Variants in USH2A observed in about 807,000 individuals in gnomAD.
USH2A encodes the protein Usher syndrome 2A (autosomal recessive, mild).
USH2A carries 443 observed loss-of-function variants against 538.9 expected under a neutral mutation model. The ratio of observed to expected loss-of-function variants is 0.82; its 90% CI spans 0.76 to 0.89. The LOEUF is 0.89. Ranked by LOEUF, USH2A falls within the 40% of genes least tolerant of loss-of-function variation. USH2A has a pLI of 0.00. For missense variants in USH2A, 6,633 were observed against 6,324.8 expected (o/e 1.05, Z -1.65); for synonymous variants, 2,413 against 2,273.5 (o/e 1.06, Z -1.75).
At chr1:215,727,258 CATACATATATACAT>C (rs1335972120) in intron 61 of USH2A, among the ~76,000 whole-genome samples, 2 of 151,962 alleles carry the variant, frequency 1.3e-5, no homozygotes, top group African/African-American at 2.4e-5. Flanking sequence ...CATGTATACA[CATACATATATACAT>C]ATACATATAT....
At position 216,250,519 on chromosome 1, in the gene USH2A, TA is replaced by T. The variant is rs558056793; in HGVS notation, c.2167+383del. On this transcript the variant is annotated intron_variant, in intron 12 of 71. Transcript: ENST00000307340. ...TTGAAAAAATCCACTTATTTTGGTCTATTAAGAAAACTAGCATGGAAATGAT... is the reference window on the plus strand; with the variant it reads ...TTGAAAAAATCCACTTATTTTGGTCTTTAAGAAAACTAGCATGGAAATGAT... 3.2e-4 allele frequency among the ~76,000 whole-genome samples: 49 copies of T among 152,324 alleles called. 1 individual carries two copies. In the South Asian group the frequency reaches 9.3e-3, roughly 29 times the overall value.
At position 215,728,044 on chromosome 1, in the gene USH2A, C is replaced by G; in HGVS notation, c.12052G>C (p.Ala4018Pro). ...AAGGGTCTTACCTTCACTGTGAAAG[C>G]ATGCACGGTAGGGCTGTTAAATGTA... ...DPTFNSPTVH[A>P]FTVKGTSHQA... The change falls in exon 61 of 72, where the codon GCT (alanine) becomes CCT (proline). Residue 4018 changes from alanine to proline, a missense_variant. Coordinates refer to ENST00000307340, the MANE Select transcript of USH2A (RefSeq NM_206933.4). 1 of 1,614,160 alleles carries G rather than the reference C, an allele frequency of 6.2e-7. No homozygotes were observed. Among genetic ancestry groups the G allele is most frequent in the Non-Finnish European group, 8.5e-7 (1 of 1,180,044 alleles).
intron 70 of USH2A, among the ~76,000 whole-genome samples, chr1:215,629,639 A>C (rs1024237065): frequency 6.6e-6 from 1 of 152,098 alleles, no homozygotes; most frequent in Non-Finnish European, 1.5e-5. Flanking sequence ...TGATATTAAC[A>C]TCAGAGAGAA....
chr1:216,008,914 G>A (rs1331310757), intron 32 of USH2A, among the ~76,000 whole-genome samples: 4 of 151,972 alleles, frequency 2.6e-5, no homozygotes, highest in Non-Finnish European at 4.4e-5. Context: ...ATCATTGCAG[G>A]GACGCCTCTC....
intron 55 of USH2A, among the ~76,000 whole-genome samples, chr1:215,779,135 G>A (rs911902915): frequency 6.6e-6 from 1 of 152,190 alleles, no homozygotes; most frequent in Admixed American, 6.5e-5. Flanking sequence ...GCAGTGAGAG[G>A]TCTATGATGG....
At chr1:215,951,176 C>G (rs1666903913) in intron 37 of USH2A, among the ~76,000 whole-genome samples, 1 of 152,130 alleles carries the variant, frequency 6.6e-6, no homozygotes. Context: ...TTCCTGCTTT[C>G]TCTTGTGGGC....
At chr1:216,190,061 G>C (rs757768838) in intron 20 of USH2A, among the ~76,000 whole-genome samples, 162 bp downstream of exon 20, 1 of 151,850 alleles carries the variant, frequency 6.6e-6, no homozygotes, top group African/African-American at 2.4e-5. Context: ...TTTAAGTTAC[G>C]TTTTGGTTGT....
intron 49 of USH2A, among the ~76,000 whole-genome samples, chr1:215,808,022 G>T (rs969895451): frequency 2.6e-5 from 4 of 152,088 alleles, no homozygotes; most frequent in Non-Finnish European, 4.4e-5. Flanking sequence ...AGAGGTGAAA[G>T]AAATGGGATA....
rs1571657825 is a variant in USH2A at position 215,759,698 on chromosome 1, C to T, written c.11193G>A (p.Glu3731=). 1.2e-6 allele frequency: 2 copies of T among 1,614,032 alleles called. No homozygotes were observed. The highest frequency in any genetic ancestry group is 1.7e-6 in the Non-Finnish European group (2 of 1,179,922). Residue 3731 remains glutamate (E), a synonymous_variant, in exon 57 of 72, where the codon GAG becomes GAA. Coordinates refer to ENST00000307340, the MANE Select transcript of USH2A (RefSeq NM_206933.4). ...CCAGGTTTTTATCAGTGAAATTCTG[C>T]TCCTCACTGCCACCCAGGAAAAGCA... The part of the protein sequence containing the change: ...GNLLFLGGSE[E]QNFTDKNLEP...
chr1:216,338,157 C>G (rs1450793063), intron 4 of USH2A, among the ~76,000 whole-genome samples: 1 of 151,140 alleles, frequency 6.6e-6, no homozygotes, highest in Non-Finnish European at 1.5e-5. Context: ...TAAACTGATC[C>G]TAAAATTCAT....
intron 33 of USH2A, 144 bp from the exon 34 acceptor site, chr1:215,999,202 A>G (rs141736139): frequency 4.0e-6 from 3 of 753,398 alleles, no homozygotes; most frequent in African/African-American, 1.8e-5. Flanking sequence ...AAAATAAAAC[A>G]CTGAAGTAGT....
intron 55 of USH2A, among the ~76,000 whole-genome samples, chr1:215,774,818 C>T (rs1244780856): frequency 6.6e-6 from 1 of 151,372 alleles, no homozygotes; most frequent in Non-Finnish European, 1.5e-5. Context: ...GTCTAGGCAG[C>T]TATCAATTAT....
intron 18 of USH2A, among the ~76,000 whole-genome samples, chr1:216,197,449 A>C (rs1324744): frequency 0.015 from 2,213 of 152,198 alleles, 19 homozygotes; most frequent in South Asian, 0.023. Flanking sequence ...CCCTTCCAGA[A>C]TGCCATGCCT....
chr1:215,960,119 T>A (rs1667163634), intron 37 of USH2A, among the ~76,000 whole-genome samples: 1 of 152,134 alleles, frequency 6.6e-6, no homozygotes, highest in African/African-American at 2.4e-5. Context: ...TCTTTATCTT[T>A]TCATAGTTTT....
intron 21 of USH2A, among the ~76,000 whole-genome samples, chr1:216,166,045 C>T (rs2034161899): frequency 6.6e-6 from 1 of 151,992 alleles, no homozygotes; most frequent in Non-Finnish European, 1.5e-5. Flanking sequence ...CCTGAACAAC[C>T]TGTCTTAATA....
intron 65 of USH2A, 109 bp downstream of exon 65, chr1:215,650,483 A>C: frequency 7.6e-7 from 1 of 1,322,532 alleles, no homozygotes; most frequent in South Asian, 1.2e-5. Flanking sequence ...GCAACTGAGA[A>C]CAGAAGGATA....
chr1:216,208,132 T>C lies in USH2A; in HGVS notation c.3158-701A>G, dbSNP rs563425844. ...TATACCATGAAAACATTGTGTTCTGTCACTGTAAATTTTTCTTAGTCTCCC... is the reference window on the plus strand; with the variant it reads ...TATACCATGAAAACATTGTGTTCTGCCACTGTAAATTTTTCTTAGTCTCCC... On this transcript the variant is annotated intron_variant, in intron 15 of 71. Transcript: ENST00000307340. 2.4e-3 allele frequency among the ~76,000 whole-genome samples: 371 copies of C among 152,290 alleles called. 1 individual carries two copies. The highest frequency in any genetic ancestry group is 3.9e-3 in the Non-Finnish European group (265 of 68,014).
At chr1:216,115,175 A>T (rs915835649) in intron 21 of USH2A, among the ~76,000 whole-genome samples, 2 of 151,782 alleles carry the variant, frequency 1.3e-5, no homozygotes, top group Admixed American at 1.3e-4. Flanking sequence ...CTCTGTTGTA[A>T]GGCTTGAGTG....
At chr1:216,342,100 G>A (rs2102679982) in intron 4 of USH2A, among the ~76,000 whole-genome samples, 1 of 152,204 alleles carries the variant, frequency 6.6e-6, no homozygotes, top group Middle Eastern at 3.4e-3. Flanking sequence ...CCATCCACCT[G>A]ACAAAGGTCT....
Sources: allele counts gnomAD v4.1 joint callset (sites outside exome capture counted in the v4.1 genomes callset), GRCh38; gene constraint gnomAD v4.1.1; transcripts MANE v1.5; gene names NCBI Gene and HGNC (gene_info 2026-07-23, HGNC 2026-07-21).